The following PDE4D variants were observed in gnomAD, a reference collection of about 807,000 sequenced individuals.
PDE4D encodes the protein phosphodiesterase 4D, also known as 3',5'-cyclic-AMP phosphodiesterase 4D.
In PDE4D, 24 loss-of-function variants were observed where a neutral mutation model predicts 87.4. That is an observed-to-expected ratio of 0.27 (90% CI 0.20 to 0.39). The LOEUF (loss-of-function observed/expected upper bound fraction) is 0.39. PDE4D is among the 10% of genes least tolerant of loss of function. The pLI, the probability that PDE4D is intolerant of heterozygous loss-of-function variation, is 1.00. For synonymous variants in PDE4D, 384 were observed against 383.2 expected (o/e 1.00, Z -0.02); for missense variants, 714 against 1,041.0 (o/e 0.69, Z 4.32).
intron 1 of PDE4D, among the ~76,000 whole-genome samples, chr5:59,773,131 T>C (rs1412180397): frequency 1.3e-5 from 2 of 152,196 alleles, no homozygotes; most frequent in Admixed American, 1.3e-4. Flanking sequence ...TCACACTTAG[T>C]AGATATCAAT....
At chr5:59,314,137 T>A (rs1347783905) in intron 1 of PDE4D, 1 of 152,052 alleles carries the variant, frequency 6.6e-6, no homozygotes, top group African/African-American at 2.4e-5. Context: ...CATTCCCGAG[T>A]GGGCCTACAC....
At chr5:59,990,507 C>T (rs73098713) in intron 2 of PDE4D, among the ~76,000 whole-genome samples, 2,788 of 150,574 alleles carry the variant, frequency 0.019, 85 homozygotes, top group African/African-American at 0.065. Flanking sequence ...ATAGACAAGA[C>T]GACAGAAGGG....
At chr5:59,305,751 G>A (rs1771194856) in intron 1 of PDE4D, among the ~76,000 whole-genome samples, 1 of 152,106 alleles carries the variant, frequency 6.6e-6, no homozygotes, top group African/African-American at 2.4e-5. Flanking sequence ...TTATTCCACT[G>A]TGGTCTGACA....
At chr5:60,373,526 C>T (rs1227362164) in intron 1 of PDE4D, among the ~76,000 whole-genome samples, 2 of 152,170 alleles carry the variant, frequency 1.3e-5, no homozygotes, top group Non-Finnish European at 2.9e-5. Flanking sequence ...TTTAATATCA[C>T]TTATTTTACA....
At chr5:59,756,072 G>T (rs891729383) in intron 1 of PDE4D, among the ~76,000 whole-genome samples, 1 of 151,386 alleles carries the variant, frequency 6.6e-6, no homozygotes, top group African/African-American at 2.4e-5. Context: ...CCTTCAAAAA[G>T]GTTTTCTATT....
At chr5:59,067,068 T>C (rs1217745702) in intron 5 of PDE4D, among the ~76,000 whole-genome samples, 1 of 151,962 alleles carries the variant, frequency 6.6e-6, no homozygotes, top group African/African-American at 2.4e-5. Flanking sequence ...GGGCTGGATT[T>C]CAGTGCCATG....
intron 1 of PDE4D, among the ~76,000 whole-genome samples, chr5:60,515,210 G>A (rs770634247): frequency 5.3e-5 from 8 of 151,922 alleles, no homozygotes; most frequent in Non-Finnish European, 1.0e-4. Context: ...TTTTTCCTCC[G>A]TGTTCTTTTA....
intron 1 of PDE4D, among the ~76,000 whole-genome samples, chr5:60,253,038 C>A (rs780450121): frequency 4.6e-5 from 7 of 151,922 alleles, no homozygotes; most frequent in Admixed American, 1.3e-4. Flanking sequence ...AAACAATTTA[C>A]CAGCAACGGT....
intron 1 of PDE4D, among the ~76,000 whole-genome samples, chr5:59,821,964 A>C (rs1346485085): frequency 6.6e-6 from 1 of 152,052 alleles, no homozygotes; most frequent in Non-Finnish European, 1.5e-5. Context: ...GTTACTGCTG[A>C]ATTGTTTTGG....
At chr5:60,404,703 G>A (rs1368558393) in intron 1 of PDE4D, among the ~76,000 whole-genome samples, 1 of 152,246 alleles carries the variant, frequency 6.6e-6, no homozygotes, top group Non-Finnish European at 1.5e-5. Flanking sequence ...TTGACAACAG[G>A]AAAGTTGTTT....
At position 58,972,321 on chromosome 5, in the gene PDE4D, G is replaced by T. The variant is rs530027622; in HGVS notation, c.*2343C>A. The stretch of plus-strand genomic sequence containing the variant: ...GTCTTTATTTTTTTCTTATTTGAAA[G>T]ATTACCATCTGATCTTTACAGAGGA... On this transcript the variant is annotated 3_prime_UTR_variant, in exon 15 of 15. Transcript: ENST00000340635. 1.3e-5 allele frequency: 2 copies of T among 152,678 alleles called. No individual in the cohort carries two copies. The highest frequency in any genetic ancestry group is 1.3e-4 in the Admixed American group (2 of 15,290). 9.5% of individuals were successfully genotyped at this position (152,678 alleles called of 1,614,324 possible).
At chr5:59,345,115 A>G (rs1047012765) in intron 1 of PDE4D, among the ~76,000 whole-genome samples, 4 of 152,182 alleles carry the variant, frequency 2.6e-5, no homozygotes, top group African/African-American at 9.6e-5. Flanking sequence ...AAAGAAAATA[A>G]AGGGAAAAAA....
chr5:59,509,946 T>A (rs1364115877), intron 1 of PDE4D, among the ~76,000 whole-genome samples: 1 of 147,946 alleles, frequency 6.8e-6, no homozygotes. Context: ...ATAATTATAT[T>A]TTTTGAATAT....
chr5:59,598,769 G>C (rs1430376575), intron 1 of PDE4D, among the ~76,000 whole-genome samples: 1 of 138,922 alleles, frequency 7.2e-6, no homozygotes, highest in Non-Finnish European at 1.7e-5. Flanking sequence ...GACTAGGACA[G>C]AAGGACATTA....
chr5:59,959,104 A>T (rs906606607), intron 3 of PDE4D, among the ~76,000 whole-genome samples: 5 of 68,888 alleles, frequency 7.3e-5, no homozygotes, highest in African/African-American at 3.0e-4. Context: ...AGACACACAC[A>T]CACGCAGGTG....
intron 1 of PDE4D, among the ~76,000 whole-genome samples, chr5:59,732,323 C>A (rs1436024116): frequency 6.7e-6 from 1 of 150,308 alleles, no homozygotes; most frequent in Non-Finnish European, 1.5e-5. Flanking sequence ...ATGCTTACAC[C>A]TTTTGTAAAA....
chr5:59,379,491 A>G (rs1785359358), intron 1 of PDE4D, among the ~76,000 whole-genome samples: 1 of 152,046 alleles, frequency 6.6e-6, no homozygotes, highest in South Asian at 2.1e-4. Flanking sequence ...ATGTATATAC[A>G]TATATTTACG....
intron 1 of PDE4D, among the ~76,000 whole-genome samples, chr5:59,337,333 C>A (rs40121): frequency 1.9e-4 from 28 of 143,898 alleles, no homozygotes; most frequent in Non-Finnish European, 4.0e-4. Context: ...TCCCCCCCCC[C>A]CACCTTTTTT....
intron 1 of PDE4D, among the ~76,000 whole-genome samples, chr5:60,387,034 G>A (rs779465941): frequency 1.3e-5 from 2 of 152,220 alleles, no homozygotes; most frequent in Non-Finnish European, 2.9e-5. Context: ...AATAACCACA[G>A]TGGATCAGGT....
Sources: gnomAD v4.1 joint callset for allele counts (sites outside exome capture counted in the v4.1 genomes callset) on GRCh38, gnomAD v4.1.1 for gene constraint, MANE v1.5 for transcripts, NCBI Gene and HGNC (gene_info 2026-07-23, HGNC 2026-07-21) for gene names.